Variants in ZFHX3 observed in about 807,000 individuals in gnomAD.
ZFHX3 encodes zinc finger homeobox 3, also known as zinc finger homeobox protein 3.
Under a neutral mutation model 279.1 loss-of-function variants are expected in ZFHX3, and 42 were observed. That is an observed-to-expected ratio of 0.15 (90% CI 0.12 to 0.19). ZFHX3 has a LOEUF of 0.19. Ranked by LOEUF, ZFHX3 falls within the 10% of genes least tolerant of loss-of-function variation. ZFHX3 has a pLI of 1.00. For missense variants in ZFHX3, 4,981 were observed against 4,754.0 expected, an observed-to-expected ratio of 1.05 and a Z score of -1.40; for synonymous variants, 2,293 against 1,957.8, an observed-to-expected ratio of 1.17 and a Z score of -4.52.
chr16:73,154,638 T>A (rs780949824), intron 5 of ZFHX3, among the ~76,000 whole-genome samples: 1 of 152,170 alleles, frequency 6.6e-6, no homozygotes, highest in Non-Finnish European at 1.5e-5. Context: ...GAATGCAACA[T>A]ACATTTTAGG....
intron 4 of ZFHX3, among the ~76,000 whole-genome samples, chr16:73,272,139 G>A (rs575846936): frequency 3.3e-5 from 5 of 152,220 alleles, no homozygotes; most frequent in East Asian, 1.9e-4. Context: ...AGAGCTAACC[G>A]TATTTATTTA....
intron 1 of ZFHX3, among the ~76,000 whole-genome samples, chr16:73,754,338 G>C (rs1165144169): frequency 6.6e-6 from 1 of 152,080 alleles, no homozygotes; most frequent in Non-Finnish European, 1.5e-5. Context: ...AGGCAAAGGA[G>C]GGTGACACAG....
chr16:73,327,768 C>T (rs1453015976), intron 3 of ZFHX3, among the ~76,000 whole-genome samples: 1 of 152,230 alleles, frequency 6.6e-6, no homozygotes, highest in African/African-American at 2.4e-5. Flanking sequence ...ATGACAACTG[C>T]AATCTCACAT....
intron 2 of ZFHX3, among the ~76,000 whole-genome samples, chr16:73,579,555 G>A (rs1435909452): frequency 6.7e-6 from 1 of 149,662 alleles, no homozygotes. Context: ...AGGCTGGAGT[G>A]CAGTGGCGTG....
chr16:73,029,624 C>T (rs560256028), intron 1 of ZFHX3, among the ~76,000 whole-genome samples: 14 of 152,248 alleles, frequency 9.2e-5, no homozygotes, highest in African/African-American at 2.2e-4. Flanking sequence ...CAAAGCCAAC[C>T]ACATAAACGG....
At chr16:73,666,465 G>T (rs949051442) in intron 2 of ZFHX3, among the ~76,000 whole-genome samples, 1 of 151,844 alleles carries the variant, frequency 6.6e-6, no homozygotes, top group African/African-American at 2.4e-5. Flanking sequence ...AAGATTCCTT[G>T]AAGGGATGAT....
intron 7 of ZFHX3, among the ~76,000 whole-genome samples, chr16:73,115,932 A>G (rs746012775): frequency 6.6e-6 from 1 of 152,076 alleles, no homozygotes; most frequent in Non-Finnish European, 1.5e-5. Context: ...CAGCCTGACC[A>G]ACATCATGGA....
intron 5 of ZFHX3, among the ~76,000 whole-genome samples, chr16:73,254,480 A>C (rs1347349106): frequency 1.3e-5 from 2 of 152,004 alleles, no homozygotes; most frequent in Non-Finnish European, 2.9e-5. Flanking sequence ...AGGTGTGACT[A>C]CAAAGATGTG....
chr16:73,206,383 T>G (rs150277076), intron 5 of ZFHX3, among the ~76,000 whole-genome samples: 20 of 152,338 alleles, frequency 1.3e-4, no homozygotes, highest in African/African-American at 4.3e-4. Flanking sequence ...TGAAGAGATC[T>G]GGCCAACACA....
intron 4 of ZFHX3, among the ~76,000 whole-genome samples, chr16:72,868,576 G>A (rs1275996657): frequency 6.6e-6 from 1 of 152,226 alleles, no homozygotes; most frequent in Non-Finnish European, 1.5e-5. Context: ...ACTCCCTAGA[G>A]GGGAAAGTCC....
At chr16:73,864,726 T>C (rs770387256) in intron 1 of ZFHX3, among the ~76,000 whole-genome samples, 1 of 152,002 alleles carries the variant, frequency 6.6e-6, no homozygotes, top group African/African-American at 2.4e-5. Flanking sequence ...TCTCAATCAA[T>C]CAATCAATCA....
chr16:73,285,983 T>C (rs2014585612), intron 4 of ZFHX3, among the ~76,000 whole-genome samples: 1 of 152,254 alleles, frequency 6.6e-6, no homozygotes, highest in African/African-American at 2.4e-5. Flanking sequence ...GTAAAACGCG[T>C]ATTTATTATA....
At position 73,726,443 on chromosome 16, in the gene ZFHX3, T is replaced by G. The variant is rs944432306; in HGVS notation, c.-1607-46203A>C. Among the ~76,000 whole-genome samples, 5 of 152,306 alleles carry G rather than the reference T, an allele frequency of 3.3e-5. No individual in the cohort carries two copies. In the East Asian group the frequency reaches 9.7e-4, roughly 29 times the overall value. On this transcript the variant is annotated intron_variant, in intron 1 of 17. Transcript: ENST00000641206. Reference sequence around the variant, plus strand: ...GCCAGACATGCCTTTGCTGTGGGGATTGTCCTATGCACTGGGGGTTTGTCC... The same window carrying G: ...GCCAGACATGCCTTTGCTGTGGGGAGTGTCCTATGCACTGGGGGTTTGTCC...
chr16:73,247,684 G>C (rs201618418), intron 5 of ZFHX3, among the ~76,000 whole-genome samples: 7,157 of 143,940 alleles, frequency 0.05, 408 homozygotes, highest in East Asian at 0.37. Context: ...CCTGTATGCG[G>C]AGTATACGTG....
intron 5 of ZFHX3, among the ~76,000 whole-genome samples, chr16:73,166,326 G>T (rs1417712419): frequency 6.6e-6 from 1 of 152,202 alleles, no homozygotes; most frequent in Non-Finnish European, 1.5e-5. Context: ...AAAAGGAAGA[G>T]ATTCCGAGTC....
chr16:72,979,302 C>T (rs1962487684), intron 1 of ZFHX3, among the ~76,000 whole-genome samples: 1 of 152,236 alleles, frequency 6.6e-6, no homozygotes, highest in Non-Finnish European at 1.5e-5. Context: ...ATCCCTCCAA[C>T]TGTTTGCCTG....
chr16:73,271,791 G>A (rs1054034699), intron 4 of ZFHX3, among the ~76,000 whole-genome samples: 2 of 152,198 alleles, frequency 1.3e-5, no homozygotes, highest in South Asian at 2.1e-4. Context: ...GCCCTCCACC[G>A]AACTGCCTTC....
At chr16:73,743,410 T>C (rs556717526) in intron 1 of ZFHX3, among the ~76,000 whole-genome samples, 2 of 152,326 alleles carry the variant, frequency 1.3e-5, no homozygotes, top group African/African-American at 4.8e-5. Flanking sequence ...TTTGAACGCT[T>C]ATGGAAGCAT....
chr16:73,861,987 A>G (rs535405889), intron 1 of ZFHX3, among the ~76,000 whole-genome samples: 13 of 152,296 alleles, frequency 8.5e-5, no homozygotes, highest in Non-Finnish European at 1.8e-4. Flanking sequence ...CACATTTTGA[A>G]AGTTATCTAT....
Sources: gnomAD v4.1 joint callset for allele counts (sites outside exome capture counted in the v4.1 genomes callset) on GRCh38, gnomAD v4.1.1 for gene constraint, MANE v1.5 for transcripts, NCBI Gene and HGNC (gene_info 2026-07-23, HGNC 2026-07-21) for gene names.